Variants in LRRC4C observed in about 807,000 individuals in gnomAD.
LRRC4C encodes leucine-rich repeat-containing protein 4C.
A neutral mutation model predicts 33.6 loss-of-function variants in LRRC4C; 5 were observed. That is an observed-to-expected ratio of 0.15 (90% CI 0.08 to 0.31). LRRC4C has a LOEUF of 0.31. Ranked by LOEUF, LRRC4C falls within the 10% of genes least tolerant of loss-of-function variation. The probability of loss-of-function intolerance (pLI) is 1.00; values close to 1 mark genes in which losing one functional copy is unlikely to be tolerated. For synonymous variants in LRRC4C, 329 were observed against 302.0 expected (o/e 1.09, Z -0.93); for missense variants, 560 against 796.7 (o/e 0.70, Z 3.58).
intron 5 of LRRC4C, among the ~76,000 whole-genome samples, chr11:40,205,137 G>C (rs976728745): frequency 6.6e-6 from 1 of 152,238 alleles, no homozygotes; most frequent in Admixed American, 6.5e-5. Flanking sequence ...TGAGCCTTAG[G>C]TTCATATTTG....
intron 1 of LRRC4C, among the ~76,000 whole-genome samples, chr11:41,338,121 G>A (rs1487414622): frequency 6.6e-6 from 1 of 152,208 alleles, no homozygotes; most frequent in Non-Finnish European, 1.5e-5. Context: ...CCATTGTGGA[G>A]ACAGTGTGTT....
In LRRC4C at chr11:40,729,590, C is replaced by T. The variant is rs142374901; in HGVS notation, c.-406-81312G>A. ...AAGCCTGGTCCTCACTCAACATTTG[C>T]CTGATCTCTGATCAATGCCTAAGGA... On this transcript the variant is annotated intron_variant, in intron 2 of 6. Coordinates refer to ENST00000528697, the MANE Select transcript of LRRC4C (RefSeq NM_001258419.2). Among the ~76,000 whole-genome samples, 373 of 152,228 alleles carry T rather than the reference C, an allele frequency of 2.5e-3. 1 individual carries two copies. The highest frequency in any genetic ancestry group is 8.3e-3 in the African/African-American group (346 of 41,528).
chr11:41,126,598 A>G (rs763634105), intron 1 of LRRC4C, among the ~76,000 whole-genome samples: 2 of 152,030 alleles, frequency 1.3e-5, no homozygotes, highest in African/African-American at 4.8e-5. Flanking sequence ...CATACTTCCT[A>G]GTATTTAAGC....
chr11:40,965,457 GA>G (rs1380022770), intron 1 of LRRC4C, among the ~76,000 whole-genome samples: 1 of 152,154 alleles, frequency 6.6e-6, no homozygotes, highest in Non-Finnish European at 1.5e-5. Context: ...CCTATGTCCT[GA>G]ATGGTATTGC....
chr11:40,139,478 G>A (rs1474231287), intron 6 of LRRC4C, among the ~76,000 whole-genome samples: 1 of 152,154 alleles, frequency 6.6e-6, no homozygotes, highest in Non-Finnish European at 1.5e-5. Flanking sequence ...CATGTGCATT[G>A]CATGTGAATA....
At chr11:40,317,720 T>C (rs922854621) in intron 4 of LRRC4C, among the ~76,000 whole-genome samples, 7 of 152,130 alleles carry the variant, frequency 4.6e-5, no homozygotes, top group African/African-American at 1.7e-4. Flanking sequence ...AGTTCACATA[T>C]GGTTTTTGCC....
At chr11:41,139,708 AT>A (rs61335742) in intron 1 of LRRC4C, among the ~76,000 whole-genome samples, 39,752 of 152,006 alleles carry the variant, frequency 0.26, 5,599 homozygotes, top group Admixed American at 0.41. Flanking sequence ...ATACTTTTCA[AT>A]TTTTTTTTAA....
At chr11:41,267,609 G>C (rs1163520417) in intron 1 of LRRC4C, among the ~76,000 whole-genome samples, 1 of 152,096 alleles carries the variant, frequency 6.6e-6, no homozygotes, top group African/African-American at 2.4e-5. Context: ...CTGCCAAAAA[G>C]TCTTCTTGAA....
At chr11:41,091,644 C>G (rs191382116) in intron 1 of LRRC4C, among the ~76,000 whole-genome samples, 36 of 152,108 alleles carry the variant, frequency 2.4e-4, no homozygotes, top group Non-Finnish European at 1.9e-4. Context: ...ACTTAGGAGT[C>G]TAAATACCCT....
chr11:40,230,956 G>C (rs1278452322), intron 5 of LRRC4C, among the ~76,000 whole-genome samples: 2 of 152,156 alleles, frequency 1.3e-5, no homozygotes, highest in South Asian at 2.1e-4. Context: ...TTTTATTGCA[G>C]TTATTTGCTT....
chr11:41,210,665 T>C (rs1946786541), intron 1 of LRRC4C, among the ~76,000 whole-genome samples: 1 of 152,164 alleles, frequency 6.6e-6, no homozygotes, highest in Non-Finnish European at 1.5e-5. Context: ...CCAGATATTG[T>C]CGGCATCTAT....
chr11:40,604,157 A>G (rs146365419), intron 3 of LRRC4C, among the ~76,000 whole-genome samples: 2 of 152,248 alleles, frequency 1.3e-5, no homozygotes, highest in Admixed American at 6.5e-5. Context: ...TATTGCAGAC[A>G]TATATATAAA....
chr11:40,394,933 T>C (rs893563078), intron 3 of LRRC4C, among the ~76,000 whole-genome samples: 2 of 152,164 alleles, frequency 1.3e-5, no homozygotes, highest in African/African-American at 2.4e-5. Context: ...TTAATGGTAA[T>C]ATTGAGACTT....
At chr11:40,937,601 ATATGTG>A (rs1283954012) in intron 1 of LRRC4C, among the ~76,000 whole-genome samples, 26 of 114,758 alleles carry the variant, frequency 2.3e-4, no homozygotes, top group African/African-American at 9.6e-4. Flanking sequence ...GAGTGTGTGT[ATATGTG>A]TGTGTGTGTG....
At chr11:40,992,468 G>T (rs530520556) in intron 1 of LRRC4C, among the ~76,000 whole-genome samples, 9 of 150,504 alleles carry the variant, frequency 6.0e-5, no homozygotes, top group African/African-American at 2.2e-4. Context: ...ATTTTTCTGA[G>T]AATGTAAAGG....
intron 1 of LRRC4C, among the ~76,000 whole-genome samples, chr11:40,973,164 A>G (rs778516893): frequency 1.1e-3 from 170 of 151,880 alleles, no homozygotes; most frequent in Non-Finnish European, 2.0e-3. Flanking sequence ...AGCCAATTAA[A>G]CCTCTTTTCT....
chr11:40,171,101 A>G (rs1035145477), intron 5 of LRRC4C, among the ~76,000 whole-genome samples: 23 of 152,236 alleles, frequency 1.5e-4, no homozygotes, highest in African/African-American at 5.5e-4. Flanking sequence ...CCTTATATTA[A>G]AAAGAACAGA....
intron 3 of LRRC4C, among the ~76,000 whole-genome samples, chr11:40,372,084 GA>G (rs1948474460): frequency 2.0e-5 from 3 of 152,120 alleles, no homozygotes; most frequent in Admixed American, 2.0e-4. Flanking sequence ...TGCTGTTCAG[GA>G]AACTACCAGC....
At chr11:41,230,177 T>A (rs1479478527) in intron 1 of LRRC4C, among the ~76,000 whole-genome samples, 1 of 152,108 alleles carries the variant, frequency 6.6e-6, no homozygotes, top group Non-Finnish European at 1.5e-5. Context: ...CTTCCAATGT[T>A]TCAAGTAACT....
Sources: gnomAD v4.1 joint callset for allele counts (sites outside exome capture counted in the v4.1 genomes callset) on GRCh38, gnomAD v4.1.1 for gene constraint, MANE v1.5 for transcripts, NCBI Gene and HGNC (gene_info 2026-07-23, HGNC 2026-07-21) for gene names.